The following IL15 variants were observed in gnomAD, a reference collection of about 807,000 sequenced individuals.
IL15 encodes the protein interleukin 15, also known as interleukin-15.
In IL15, 11 loss-of-function variants were observed where a neutral mutation model predicts 19.6. The ratio of observed to expected loss-of-function variants is 0.56; its 90% CI spans 0.35 to 0.93. The LOEUF (loss-of-function observed/expected upper bound fraction) is 0.93, where lower values mean the gene tolerates loss of function less well. Ranked by LOEUF, IL15 falls within the 40% of genes least tolerant of loss-of-function variation. The pLI is 0.01. For synonymous variants in IL15, 58 were observed against 59.6 expected (o/e 0.97, Z 0.12); for missense variants, 197 against 186.5 (o/e 1.06, Z -0.33).
At chr4:141,664,789 A>T (rs1321220413) in intron 2 of IL15, among the ~76,000 whole-genome samples, 2 of 152,226 alleles carry the variant, frequency 1.3e-5, no homozygotes, top group Non-Finnish European at 2.9e-5. Flanking sequence ...AATAGGGTGA[A>T]TGGGACAGGA....
At chr4:141,640,588 A>G (rs1218411044) in intron 1 of IL15, among the ~76,000 whole-genome samples, 1 of 152,206 alleles carries the variant, frequency 6.6e-6, no homozygotes, top group Non-Finnish European at 1.5e-5. Context: ...AAACAAAAAA[A>G]AAAGTTGTTT....
chr4:141,709,142 G>C (rs1729628622), intron 2 of IL15, among the ~76,000 whole-genome samples: 1 of 150,176 alleles, frequency 6.7e-6, no homozygotes, highest in South Asian at 2.1e-4. Context: ...CAATTTAATA[G>C]TTCAATACTA....
intron 2 of IL15, chr4:141,719,145 T>G (rs1027911620): frequency 3.9e-6 from 1 of 257,956 alleles, no homozygotes; most frequent in Non-Finnish European, 7.3e-6. Flanking sequence ...AGAACTGGCC[T>G]CAAATCCTGG....
chr4:141,679,603 A>G (rs1003586597), intron 2 of IL15, among the ~76,000 whole-genome samples: 2 of 152,168 alleles, frequency 1.3e-5, no homozygotes, highest in Non-Finnish European at 2.9e-5. Context: ...GTCATAATTC[A>G]TGCATGATTG....
At chr4:141,693,312 C>A (rs1033017955) in intron 2 of IL15, among the ~76,000 whole-genome samples, 2 of 152,048 alleles carry the variant, frequency 1.3e-5, no homozygotes, top group African/African-American at 4.8e-5. Flanking sequence ...GTCCCTCCCT[C>A]GACACATGGG....
At chr4:141,656,702 GT>G (rs1412527960) in intron 2 of IL15, among the ~76,000 whole-genome samples, 1 of 152,142 alleles carries the variant, frequency 6.6e-6, no homozygotes, top group Non-Finnish European at 1.5e-5. Context: ...TAGTTTGATA[GT>G]TTGTCAATTC....
At chr4:141,655,682 A>G (rs1727566907) in intron 1 of IL15, among the ~76,000 whole-genome samples, 1 of 152,184 alleles carries the variant, frequency 6.6e-6, no homozygotes, top group African/African-American at 2.4e-5. Context: ...CCCGAATCAC[A>G]TATACCTTAA....
chr4:141,637,154 G>A (rs1376219687), intron 1 of IL15: 2 of 152,246 alleles, frequency 1.3e-5, no homozygotes, highest in Non-Finnish European at 2.9e-5. Flanking sequence ...GCGGGTTTCT[G>A]AGAAGACGCT....
chr4:141,708,993 T>C (rs1404426114), intron 2 of IL15, among the ~76,000 whole-genome samples: 1 of 151,558 alleles, frequency 6.6e-6, no homozygotes, highest in African/African-American at 2.4e-5. Context: ...TCTTTTATTA[T>C]TAATTTGTAA....
Position 141,709,356 on chromosome 4 carries a change from T to C in IL15, c.-99-10010T>C, listed in dbSNP as rs144332510. 3.8e-3 allele frequency among the ~76,000 whole-genome samples: 580 copies of C among 152,286 alleles called. 1 individual carries two copies. The highest frequency in any genetic ancestry group is 0.013 in the African/African-American group (545 of 41,562). On this transcript the variant is annotated intron_variant, in intron 2 of 7. Coordinates refer to ENST00000320650, the MANE Select transcript of IL15 (RefSeq NM_000585.5). Reference sequence around the variant, plus strand: ...TGTATCTAATCTGTTTAATCAAATGTACATATATACTACATAAAAAGGTTG... The same window carrying C: ...TGTATCTAATCTGTTTAATCAAATGCACATATATACTACATAAAAAGGTTG...
At chr4:141,637,656 G>T (rs2152147948) in intron 1 of IL15, among the ~76,000 whole-genome samples, 1 of 152,258 alleles carries the variant, frequency 6.6e-6, no homozygotes, top group South Asian at 2.1e-4. Context: ...TGACTTCAAA[G>T]TATGTCTAAA....
intron 1 of IL15, among the ~76,000 whole-genome samples, chr4:141,655,067 T>C (rs1727543750): frequency 6.6e-6 from 1 of 152,130 alleles, no homozygotes; most frequent in African/African-American, 2.4e-5. Flanking sequence ...GACCTTCCAT[T>C]TGGGAATCAG....
chr4:141,653,884 G>T (rs185370223), intron 1 of IL15, among the ~76,000 whole-genome samples: 1 of 152,062 alleles, frequency 6.6e-6, no homozygotes, highest in Non-Finnish European at 1.5e-5. Context: ...TATCCAAAAG[G>T]GTTCTATAGT....
At position 141,695,272 on chromosome 4, in the gene IL15, C is replaced by CT. The variant is rs34115620; in HGVS notation, c.-99-24066dup. On this transcript the variant is annotated intron_variant, in intron 2 of 7. Coordinates refer to ENST00000320650, the MANE Select transcript of IL15 (RefSeq NM_000585.5). Reference sequence around the variant, plus strand: ...CTCTTCTGCTCTGCTTCTATGATACCTTTTTTTTTTTTTTTTTTTTTTTTT... The same window carrying CT: ...CTCTTCTGCTCTGCTTCTATGATACCTTTTTTTTTTTTTTTTTTTTTTTTTT... Among the ~76,000 whole-genome samples the CT allele has an allele frequency of 5.8e-3, 365 of 62,580 alleles. 10 individuals are homozygous for CT. The highest frequency in any genetic ancestry group is 8.7e-3 in the South Asian group (10 of 1,150). 41.1% of individuals were successfully genotyped at this position (62,580 alleles called of 152,430 possible). A position where few individuals can be genotyped will look rare whatever the true frequency, so the allele number is the denominator to read the frequency against.
intron 2 of IL15, among the ~76,000 whole-genome samples, chr4:141,675,969 T>C (rs1728326904): frequency 1.3e-5 from 2 of 152,228 alleles, no homozygotes; most frequent in Middle Eastern, 6.8e-3. Flanking sequence ...GATATCTGCC[T>C]GAACAGGTTT....
At chr4:141,721,190 C>G (rs1350489324) in intron 4 of IL15, 1 of 956,790 alleles carries the variant, frequency 1.0e-6, no homozygotes, top group Non-Finnish European at 1.7e-6. Context: ...AATTCTTCAT[C>G]ATAAGACAGA....
chr4:141,722,002 T>C lies in IL15; in HGVS notation c.189T>C (p.Leu63=). 1 of 1,587,618 alleles carries C rather than the reference T, an allele frequency of 6.3e-7. No homozygotes were observed. The highest frequency in any genetic ancestry group is 8.6e-7 in the Non-Finnish European group (1 of 1,160,466). Residue 63 remains leucine, a synonymous_variant, in exon 5 of 8, where the codon CTT becomes CTC. Coordinates refer to ENST00000320650, the MANE Select transcript of IL15 (RefSeq NM_000585.5). ...GTGATTTGAAAAAAATTGAAGATCT[T>C]ATTCAAGTGAGTACTCATTTTTCCA... is the stretch of plus-strand genomic sequence containing the variant. ...VISDLKKIED[L]IQSMHIDATL... is the part of the protein sequence containing the mutation.
rs1579052286 is a variant in IL15, at chr4:141,722,078, T to C, written c.195+70T>C. On this transcript the variant is annotated intron_variant, in intron 5 of 7. Transcript: ENST00000320650. ...GAGTTTGTCTCTCTCTGTGTTTTTC[T>C]GTCTGTCTTAAGGAAACCACACTTG... The C allele has an allele frequency of 2.1e-6, 3 of 1,454,274 alleles. No individual in the cohort carries two copies. The East Asian group carries it at 7.1e-5, about 34-fold the overall frequency. 90.1% of individuals were successfully genotyped at this position (1,454,274 alleles called of 1,614,324 possible).
At chr4:141,664,235 A>C (rs1560907616) in intron 2 of IL15, among the ~76,000 whole-genome samples, 1 of 151,780 alleles carries the variant, frequency 6.6e-6, no homozygotes, top group Non-Finnish European at 1.5e-5. Flanking sequence ...TATTTCAAAA[A>C]CCCCCAAATA....
Sources: allele counts gnomAD v4.1 joint callset (sites outside exome capture counted in the v4.1 genomes callset), GRCh38; gene constraint gnomAD v4.1.1; transcripts MANE v1.5; gene names NCBI Gene and HGNC (gene_info 2026-07-23, HGNC 2026-07-21).